CDK13: variants seen among roughly 807,000 people sequenced by gnomAD.
CDK13 encodes cyclin dependent kinase 13, also known as cyclin-dependent kinase 13.
In CDK13, 40 loss-of-function variants were observed where a neutral mutation model predicts 137.6. The ratio of observed to expected loss-of-function variants is 0.29; its 90% confidence interval spans 0.23 to 0.38. CDK13 has a LOEUF of 0.38. Among genes scored for constraint, CDK13 ranks in the 10% least tolerant of loss-of-function variants. The pLI is 1.00. For synonymous variants in CDK13, 869 were observed against 760.1 expected, an observed-to-expected ratio of 1.14 and a Z score of -2.36; for missense variants, 1,704 against 1,951.8, an observed-to-expected ratio of 0.87 and a Z score of 2.39.
chr7:40,077,855 C>CA (rs200558568), intron 9 of CDK13, 150 bp from the exon 10 acceptor site: 57 of 465,040 alleles, frequency 1.2e-4, no homozygotes, highest in South Asian at 2.9e-4. Context: ...GACTCTGTCT[C>CA]AAAAAAAAGA....
chr7:40,046,761 GGAGGATGAGGCA>G (rs1785750820), intron 6 of CDK13, among the ~76,000 whole-genome samples: 1 of 151,358 alleles, frequency 6.6e-6, no homozygotes, highest in African/African-American at 2.4e-5. Flanking sequence ...CAACACTTTG[GGAGGATGAGGCA>G]GATGGATCAC....
intron 5 of CDK13, among the ~76,000 whole-genome samples, chr7:40,016,849 C>T (rs1785014995): frequency 6.6e-6 from 1 of 151,742 alleles, no homozygotes; most frequent in South Asian, 2.1e-4. Flanking sequence ...AAATTTTTCT[C>T]GTTTGTTTTT....
At chr7:40,023,649 G>A (rs1291339703) in intron 5 of CDK13, among the ~76,000 whole-genome samples, 5 of 151,982 alleles carry the variant, frequency 3.3e-5, no homozygotes, top group Admixed American at 6.6e-5. Context: ...GCAGGCGCCC[G>A]CCACCACGCC....
At chr7:39,972,137 T>A (rs1237734385) in intron 1 of CDK13, among the ~76,000 whole-genome samples, 1 of 152,166 alleles carries the variant, frequency 6.6e-6, no homozygotes, top group African/African-American at 2.4e-5. Flanking sequence ...AACACAGAAT[T>A]TATGCTCAGT....
chr7:40,013,438 C>T (rs372784511), intron 5 of CDK13, among the ~76,000 whole-genome samples: 103 of 152,150 alleles, frequency 6.8e-4, no homozygotes, highest in Middle Eastern at 3.4e-3. Context: ...AAAAATTAAA[C>T]GAGATGAAGT....
At chr7:39,982,159 T>TC (rs1363166218) in intron 1 of CDK13, among the ~76,000 whole-genome samples, 3 of 136,094 alleles carry the variant, frequency 2.2e-5, no homozygotes, top group Non-Finnish European at 4.7e-5. Flanking sequence ...ATGCTATCCC[T>TC]CCCCCCTCCC....
intron 5 of CDK13, among the ~76,000 whole-genome samples, chr7:40,037,155 T>G (rs1186517753): frequency 1.3e-5 from 2 of 152,226 alleles, no homozygotes; most frequent in Admixed American, 1.3e-4. Flanking sequence ...TCCAGAAGTT[T>G]ATTTAGATAC....
intron 6 of CDK13, among the ~76,000 whole-genome samples, chr7:40,047,121 C>T (rs777496706): frequency 6.6e-6 from 1 of 151,388 alleles, no homozygotes; most frequent in Non-Finnish European, 1.5e-5. Context: ...AATGGATCAT[C>T]TGATAAGCAA....
intron 5 of CDK13, 96 bp from the exon 6 acceptor site, chr7:40,045,740 A>T: frequency 1.3e-6 from 1 of 772,008 alleles, no homozygotes; most frequent in Non-Finnish European, 2.1e-6. Flanking sequence ...TCAAGGATTA[A>T]TTCTTCCTCT....
rs1463021566 is a variant in CDK13 at position 39,988,233 on chromosome 7, C to G, written c.1846C>G (p.Leu616Val). The G allele has an allele frequency of 6.2e-7, 1 of 1,602,680 alleles. No homozygotes were observed. The highest frequency in any genetic ancestry group is 8.5e-7 in the Non-Finnish European group (1 of 1,177,152). Residue 616 changes from leucine (L) to valine (V), a missense_variant, in exon 2 of 14, where the codon CTG becomes GTG. Coordinates refer to ENST00000181839, the MANE Select transcript of CDK13 (RefSeq NM_003718.5). Reference sequence around the variant, plus strand: ...ACCACCGTTACCTTTGCCTCCCATGCTGCCTGAAGATAAAGAAGCTGATAG... The same window carrying G: ...ACCACCGTTACCTTTGCCTCCCATGGTGCCTGAAGATAAAGAAGCTGATAG... ...TLPPLPLPPM[L>V]PEDKEADSLR...
intron 7 of CDK13, among the ~76,000 whole-genome samples, chr7:40,051,372 A>C (rs984691182): frequency 6.6e-6 from 1 of 152,076 alleles, no homozygotes; most frequent in Non-Finnish European, 1.5e-5. Flanking sequence ...GTGAACCTTA[A>C]TAACTGTGAT....
intron 5 of CDK13, among the ~76,000 whole-genome samples, chr7:40,032,695 GT>G (rs1785405774): frequency 6.6e-6 from 1 of 151,106 alleles, no homozygotes; most frequent in Non-Finnish European, 1.5e-5. Context: ...TCAGTTGACT[GT>G]TTTTTTAATG....
chr7:39,991,412 C>T (rs1202493103), intron 2 of CDK13, among the ~76,000 whole-genome samples: 1 of 151,538 alleles, frequency 6.6e-6, no homozygotes, highest in Non-Finnish European at 1.5e-5. Flanking sequence ...TTGATCTTTG[C>T]TTTCTTTGAG....
intron 9 of CDK13, among the ~76,000 whole-genome samples, chr7:40,073,902 C>CTT (rs75410283): frequency 3.1e-5 from 4 of 129,612 alleles, no homozygotes; most frequent in South Asian, 2.5e-4. Flanking sequence ...TCTTTTTTTC[C>CTT]TTTTTTTTTT....
intron 11 of CDK13, among the ~76,000 whole-genome samples, chr7:40,086,528 A>G (rs112515307): frequency 9.2e-5 from 14 of 152,334 alleles, no homozygotes; most frequent in African/African-American, 3.1e-4. Context: ...AAGCATTTAT[A>G]AACCAAATAT....
intron 7 of CDK13, chr7:40,048,657 A>G (rs1785806224): frequency 1.4e-5 from 2 of 147,372 alleles, no homozygotes; most frequent in African/African-American, 5.4e-5. Flanking sequence ...ATAATTTAAT[A>G]TAATGAAACA....
rs1297292244 is a variant in CDK13 at position 40,093,101 on chromosome 7, A to G, written c.3552A>G (p.Ala1184=). The change falls in exon 13 of 14, where the codon GCA becomes GCG. Residue 1184 remains alanine (A), a synonymous_variant. Transcript: ENST00000181839. ...AGGCGGCTGTGCAGAGTGCATTTGC[A>G]GTTCTGTTGACTCAGTTAATAAAGG... ...AAQAAVQSAF[A]VLLTQLIKAQ... The G allele has an allele frequency of 1.2e-6, 2 of 1,614,198 alleles. No individual in the cohort carries two copies. The highest frequency in any genetic ancestry group is 1.7e-6 in the Non-Finnish European group (2 of 1,180,036).
At chr7:40,085,598 A>G (rs540304505) in intron 11 of CDK13, 1 of 152,702 alleles carries the variant, frequency 6.5e-6, no homozygotes, top group Admixed American at 6.5e-5. Context: ...CCCACATCAT[A>G]TCATACAAAC....
chr7:39,992,163 G>GT (rs1554325730), intron 2 of CDK13, among the ~76,000 whole-genome samples: 13 of 146,408 alleles, frequency 8.9e-5, no homozygotes, highest in East Asian at 8.7e-4. Flanking sequence ...AACTAATGAG[G>GT]GTGTGTGTGT....
Sources: allele counts gnomAD v4.1 joint callset (sites outside exome capture counted in the v4.1 genomes callset), GRCh38; gene constraint gnomAD v4.1.1; transcripts MANE v1.5; gene names NCBI Gene and HGNC (gene_info 2026-07-23, HGNC 2026-07-21).